Variants in OR9G4 observed in about 807,000 individuals in gnomAD.
OR9G4 encodes olfactory receptor 9G4.
OR9G4 carries 19 observed loss-of-function variants against 16.7 expected under a neutral mutation model. The observed-to-expected ratio is 1.14, with a 90% CI of 0.79 to 1.67. OR9G4 has a LOEUF of 1.67. Among genes scored for constraint, OR9G4 ranks in the 40% most tolerant of loss-of-function variants. The probability of loss-of-function intolerance (pLI) is 0.00; values close to 1 mark genes in which losing one functional copy is unlikely to be tolerated. For missense variants in OR9G4, 428 were observed against 370.4 expected, an observed-to-expected ratio of 1.16 and a Z score of -1.28; for synonymous variants, 182 against 146.2, an observed-to-expected ratio of 1.24 and a Z score of -1.76.
chr11:56,743,944 C>G, intron 1 of OR9G4, 156 bp from the exon 2 acceptor site: 4 of 794,798 alleles, frequency 5.0e-6, no homozygotes, highest in Non-Finnish European at 7.9e-6. Flanking sequence ...GGAAAAATTA[C>G]TGGAATTGGA....
rs747797303 is a variant in OR9G4, at chr11:56,743,523, G to A, written c.244C>T (p.Leu82=). 1.2e-6 allele frequency: 2 copies of A among 1,614,106 alleles called. No homozygotes were observed. Among genetic ancestry groups the A allele is most frequent in the Non-Finnish European group, 1.7e-6 (2 of 1,180,024 alleles). Residue 82 remains leucine (L), a synonymous_variant, in exon 2 of 2, where the codon CTG becomes TTG. Transcript: ENST00000641668. ...TTATCTTCTGAGACACAACTGGCCA[G>A]GATTTTGGGGGTATACACAGAGGTA... ...WYTSVYTPKI[L]ASCVSEDKRI...
At chr11:56,747,711 G>A (rs1858440681) in intron 1 of OR9G4, among the ~76,000 whole-genome samples, 2 of 141,528 alleles carry the variant, frequency 1.4e-5, no homozygotes, top group Admixed American at 1.4e-4. Context: ...GTCTCACACT[G>A]TCACCCAGGC....
In OR9G4 at chr11:56,742,782, A is replaced by AATAATCTGGCTT. The variant is rs1858321416; in HGVS notation, c.*45_*46insAAGCCAGATTAT. 6.5e-7 allele frequency: 1 copy of AATAATCTGGCTT among 1,549,280 alleles called. No individual in the cohort carries two copies. The highest frequency in any genetic ancestry group is 8.8e-7 in the Non-Finnish European group (1 of 1,140,206). ...ATGCAAATGAACACATTTATAAGCC[A>AATAATCTGGCTT]ATAATCTGGAAAATTCAATAACAGC... is the stretch of plus-strand genomic sequence containing the variant. On this transcript the variant is annotated 3_prime_UTR_variant, in exon 2 of 2. Transcript: ENST00000641668.
Position 56,741,290 on chromosome 11 carries a change from A to G in OR9G4, c.*1538T>C, listed in dbSNP as rs563425383. ...ACTATAATATATACTACAGTATTGTAGATTCAATTGAATACTGATACAGTT... is the reference window on the plus strand; with the variant it reads ...ACTATAATATATACTACAGTATTGTGGATTCAATTGAATACTGATACAGTT... On this transcript the variant is annotated 3_prime_UTR_variant, in exon 2 of 2. Coordinates refer to ENST00000641668, the MANE Select transcript of OR9G4 (RefSeq NM_001005284.2). The G allele has an allele frequency of 4.9e-6, 1 of 203,484 alleles. No individual in the cohort carries two copies. Among genetic ancestry groups the G allele is most frequent in the East Asian group, 1.6e-4 (1 of 6,318 alleles). 12.6% of individuals were successfully genotyped at this position (203,484 alleles called of 1,614,324 possible). A position where few individuals can be genotyped will look rare whatever the true frequency, so the allele number is the denominator to read the frequency against.
chr11:56,746,960 G>T (rs1229969829), intron 1 of OR9G4, among the ~76,000 whole-genome samples: 1 of 152,018 alleles, frequency 6.6e-6, no homozygotes, highest in East Asian at 1.9e-4. Flanking sequence ...CAATACAACA[G>T]CCAGTGTAGG....
chr11:56,745,687 G>T lies in OR9G4; in HGVS notation c.-22-1899C>A, dbSNP rs192727979. On this transcript the variant is annotated intron_variant, in intron 1 of 1. Transcript: ENST00000641668. ...CTTGGGAGGCTGAGGCAGGAGAATC[G>T]CTTGAACCCAGGAGGCAGAGGTTGC... is the stretch of plus-strand genomic sequence containing the variant. Among the ~76,000 whole-genome samples the T allele has an allele frequency of 2.0e-3, 309 of 151,204 alleles. 2 individuals carry two copies. The highest frequency in any genetic ancestry group is 7.2e-3 in the African/African-American group (298 of 41,168).
In OR9G4 at chr11:56,743,485, C is replaced by G. The variant is rs1199252157; in HGVS notation, c.282G>C (p.Leu94Phe). The part of the protein sequence containing the change: ...SCVSEDKRIS[L>F]AGCGAQLFFS... Reference sequence around the variant, plus strand: ...AAAACAGCTGAGCCCCACATCCAGCCAAGGAAATGCGCTTATCTTCTGAGA... The same window carrying G: ...AAAACAGCTGAGCCCCACATCCAGCGAAGGAAATGCGCTTATCTTCTGAGA... The change falls in exon 2 of 2, where the codon TTG (leucine) becomes TTC (phenylalanine). Residue 94 changes from leucine to phenylalanine, a missense_variant. Physicochemically the swap from Leu to Phe is conservative, Grantham distance 22. Transcript: ENST00000641668. 4 of 1,613,926 alleles carry G rather than the reference C, an allele frequency of 2.5e-6. No individual in the cohort carries two copies. In the African/African-American group the frequency reaches 4.0e-5, roughly 16 times the overall value.
rs1858349339 is a variant in OR9G4 at position 56,743,538 on chromosome 11, A to G, written c.229T>C (p.Tyr77His). ...CAACTGGCCAGGATTTTGGGGGTATACACAGAGGTATACCAGAAATCCAAA... is the reference window on the plus strand; with the variant it reads ...CAACTGGCCAGGATTTTGGGGGTATGCACAGAGGTATACCAGAAATCCAAA... Reference protein sequence around the residue: ...SFLDFWYTSVYTPKILASCVS... With the variant: ...SFLDFWYTSVHTPKILASCVS... The change falls in exon 2 of 2, where the codon TAT becomes CAT. Residue 77 changes from tyrosine (Y) to histidine (H), a missense_variant. Tyr to His is a moderately conservative substitution (Grantham distance 83). Transcript: ENST00000641668. The G allele has an allele frequency of 6.2e-7, 1 of 1,614,200 alleles. No individual in the cohort carries two copies. Among genetic ancestry groups the G allele is most frequent in the Non-Finnish European group, 8.5e-7 (1 of 1,180,028 alleles).
chr11:56,741,640 A>C lies in OR9G4; in HGVS notation c.*1188T>G, dbSNP rs1858301481. ...GAGAAAGTTGAGAAATGTCAAGTAAAGACAAATGAAATGGCTACAACTATT... is the reference window on the plus strand; with the variant it reads ...GAGAAAGTTGAGAAATGTCAAGTAACGACAAATGAAATGGCTACAACTATT... On this transcript the variant is annotated 3_prime_UTR_variant, in exon 2 of 2. Coordinates refer to ENST00000641668, the MANE Select transcript of OR9G4 (RefSeq NM_001005284.2). The C allele has an allele frequency of 6.6e-6, 1 of 152,260 alleles. No homozygotes were observed. Among genetic ancestry groups the C allele is most frequent in the South Asian group, 2.1e-4 (1 of 4,832 alleles). The allele number at this position is 152,260 out of a possible 1,614,324, so 9.4% of individuals were successfully genotyped here.
rs895995699 is a variant in OR9G4 at position 56,742,735 on chromosome 11, T to G, written c.*93A>C. 7.3e-5 allele frequency: 78 copies of G among 1,069,502 alleles called. 1 individual carries two copies. Among genetic ancestry groups the G allele is most frequent in the Middle Eastern group, 3.1e-4 (1 of 3,248 alleles). The allele number at this position is 1,069,502 out of a possible 1,614,324, so 66.3% of individuals were successfully genotyped here. On this transcript the variant is annotated 3_prime_UTR_variant, in exon 2 of 2. Coordinates refer to ENST00000641668, the MANE Select transcript of OR9G4 (RefSeq NM_001005284.2). ...TTTTAATGTTTTAAATATGACTTAT[T>G]GAACTTAATTGAACTACAGAAATGC... is the stretch of plus-strand genomic sequence containing the variant.
chr11:56,745,096 A>T (rs1488788172), intron 1 of OR9G4, among the ~76,000 whole-genome samples: 2 of 152,206 alleles, frequency 1.3e-5, no homozygotes, highest in Admixed American at 1.3e-4. Flanking sequence ...TGGACAGAAC[A>T]TCAATCTACA....
chr11:56,743,904 C>A (rs1486738758), intron 1 of OR9G4, 116 bp from the exon 2 acceptor site: 3 of 1,197,490 alleles, frequency 2.5e-6, no homozygotes, highest in Non-Finnish European at 3.5e-6. Flanking sequence ...CCCTTACTAT[C>A]TAGAATTATA....
rs187871049 is a variant in OR9G4 at position 56,742,482 on chromosome 11, C to T, written c.*346G>A. On this transcript the variant is annotated 3_prime_UTR_variant, in exon 2 of 2. Transcript: ENST00000641668. ...TATTCTTGTCACCTAGTAAAGATTG[C>T]TTACCAAACTTCAAAGTCAAACTAT... The T allele has an allele frequency of 3.6e-5, 7 of 194,184 alleles. No individual in the cohort carries two copies. The Admixed American group carries it at 3.8e-4, about 10-fold the overall frequency. 12.0% of individuals were successfully genotyped at this position (194,184 alleles called of 1,614,324 possible).
At position 56,743,738 on chromosome 11, in the gene OR9G4, G is replaced by A; in HGVS notation, c.29C>T (p.Thr10Ile). MEVGNCTIL[T>I]EFILLGFSAD... ...TGAGAAACCCAACAAGATGAATTCA[G>A]TCAGGATGGTGCAATTTCCCACTTC... Residue 10 changes from threonine to isoleucine, a missense_variant, in exon 2 of 2, where the codon ACT (threonine) becomes ATT (isoleucine). Transcript: ENST00000641668. 2.5e-6 allele frequency: 4 copies of A among 1,614,086 alleles called. No individual in the cohort carries two copies. In the South Asian group the frequency reaches 3.3e-5, roughly 13 times the overall value.
chr11:56,744,854 C>T (rs1202914502), intron 1 of OR9G4, among the ~76,000 whole-genome samples: 1 of 152,178 alleles, frequency 6.6e-6, no homozygotes, highest in Non-Finnish European at 1.5e-5. Context: ...CTATATGATC[C>T]AGCCTACAGT....
intron 1 of OR9G4, chr11:56,744,016 C>A: frequency 2.1e-6 from 1 of 487,740 alleles, no homozygotes; most frequent in Admixed American, 3.8e-5. Context: ...GGACAAGACC[C>A]ATATTCTCAT....
chr11:56,742,669 A>T lies in OR9G4; in HGVS notation c.*159T>A, dbSNP rs1858319519. On this transcript the variant is annotated 3_prime_UTR_variant, in exon 2 of 2. Coordinates refer to ENST00000641668, the MANE Select transcript of OR9G4 (RefSeq NM_001005284.2). Reference sequence around the variant, plus strand: ...TTTTAAATATTACTTTGTTTTGTTTACATCATAACAAACGAATAACAAGGA... The same window carrying T: ...TTTTAAATATTACTTTGTTTTGTTTTCATCATAACAAACGAATAACAAGGA... 7 of 644,148 alleles carry T rather than the reference A, an allele frequency of 1.1e-5. No homozygotes were observed. The highest frequency in any genetic ancestry group is 5.9e-5 in the Admixed American group (2 of 33,780). 39.9% of individuals were successfully genotyped at this position (644,148 alleles called of 1,614,324 possible). A position where few individuals can be genotyped will look rare whatever the true frequency, so the allele number is the denominator to read the frequency against.
In OR9G4 at chr11:56,746,292, CAAAAAAAA is replaced by C. The variant is rs71470125; in HGVS notation, c.-23+2356_-23+2363del. The stretch of plus-strand genomic sequence containing the variant: ...TGGGCGACAGAGCGAGACTCCGTCT[CAAAAAAAA>C]AAAAAAAAAAAAAAAAAATACAATC... On this transcript the variant is annotated intron_variant, in intron 1 of 1. Coordinates refer to ENST00000641668, the MANE Select transcript of OR9G4 (RefSeq NM_001005284.2). Among the ~76,000 whole-genome samples the C allele has an allele frequency of 9.9e-5, 7 of 70,558 alleles. No individual in the cohort carries two copies. In the South Asian group the frequency reaches 1.8e-3, roughly 18 times the overall value. The allele number at this position is 70,558 out of a possible 152,430, so 46.3% of individuals were successfully genotyped here.
In OR9G4 at chr11:56,742,076, T is replaced by C. The variant is rs1293310874; in HGVS notation, c.*752A>G. ...GGTCAGGACAAAGGAAAGAGAAAGGTAACTAGGGAACAGTGGTTACTATTG... is the reference window on the plus strand; with the variant it reads ...GGTCAGGACAAAGGAAAGAGAAAGGCAACTAGGGAACAGTGGTTACTATTG... On this transcript the variant is annotated 3_prime_UTR_variant, in exon 2 of 2. Coordinates refer to ENST00000641668, the MANE Select transcript of OR9G4 (RefSeq NM_001005284.2). The C allele has an allele frequency of 6.6e-6, 1 of 152,334 alleles. No homozygotes were observed. Among genetic ancestry groups the C allele is most frequent in the Non-Finnish European group, 1.5e-5 (1 of 68,084 alleles). 9.4% of individuals were successfully genotyped at this position (152,334 alleles called of 1,614,324 possible).
Sources: allele counts gnomAD v4.1 joint callset (sites outside exome capture counted in the v4.1 genomes callset), GRCh38; gene constraint gnomAD v4.1.1; transcripts MANE v1.5; gene names NCBI Gene and HGNC (gene_info 2026-07-23, HGNC 2026-07-21).